CNOT6L: variants seen among roughly 807,000 people sequenced by gnomAD.
CNOT6L encodes the protein CCR4-NOT transcription complex subunit 6-like.
In CNOT6L, 7 loss-of-function variants were observed where a neutral mutation model predicts 64.0. The observed-to-expected ratio is 0.11, with a 90% CI of 0.06 to 0.21. The LOEUF (loss-of-function observed/expected upper bound fraction) is 0.21. Ranked by LOEUF, CNOT6L falls within the 10% of genes least tolerant of loss-of-function variation. CNOT6L has a pLI of 1.00. For missense variants in CNOT6L, 245 were observed against 669.0 expected (o/e 0.37, Z 6.99); for synonymous variants, 193 against 243.4 (o/e 0.79, Z 1.93).
At chr4:77,729,748 GT>G (rs944401357) in intron 9 of CNOT6L, among the ~76,000 whole-genome samples, 11 of 147,984 alleles carry the variant, frequency 7.4e-5, no homozygotes, top group East Asian at 3.9e-4. Context: ...TATCTCTAAG[GT>G]TTTTTTTTTA....
chr4:77,806,440 A>T (rs1391381226), intron 1 of CNOT6L, among the ~76,000 whole-genome samples: 3 of 152,010 alleles, frequency 2.0e-5, no homozygotes, highest in Non-Finnish European at 4.4e-5. Flanking sequence ...AAAAAAAAAG[A>T]TTAATTTCAA....
At chr4:77,810,537 T>C (rs1344365671) in intron 1 of CNOT6L, among the ~76,000 whole-genome samples, 1 of 152,162 alleles carries the variant, frequency 6.6e-6, no homozygotes, top group Non-Finnish European at 1.5e-5. Context: ...CATAATTGTA[T>C]ATATATATGG....
intron 1 of CNOT6L, among the ~76,000 whole-genome samples, chr4:77,813,348 C>T (rs560419978): frequency 6.6e-6 from 1 of 151,860 alleles, no homozygotes; most frequent in Non-Finnish European, 1.5e-5. Flanking sequence ...GATAGATTAG[C>T]TAGATTAGAA....
intron 1 of CNOT6L, among the ~76,000 whole-genome samples, chr4:77,804,001 C>T (rs193252668): frequency 6.6e-6 from 1 of 151,966 alleles, no homozygotes; most frequent in Admixed American, 6.6e-5. Flanking sequence ...CACAGAAATA[C>T]GTATGACCCA....
chr4:77,785,720 A>G (rs1250299341), intron 1 of CNOT6L, among the ~76,000 whole-genome samples: 1 of 152,212 alleles, frequency 6.6e-6, no homozygotes, highest in Non-Finnish European at 1.5e-5. Flanking sequence ...CATTAGAAGG[A>G]TTAAATTTAA....
intron 1 of CNOT6L, among the ~76,000 whole-genome samples, chr4:77,784,382 G>A (rs1351528940): frequency 6.6e-6 from 1 of 152,052 alleles, no homozygotes; most frequent in African/African-American, 2.4e-5. Context: ...GACAACTTAA[G>A]CTTATGATTT....
At chr4:77,811,538 C>G (rs947561639) in intron 1 of CNOT6L, among the ~76,000 whole-genome samples, 1 of 152,080 alleles carries the variant, frequency 6.6e-6, no homozygotes, top group Non-Finnish European at 1.5e-5. Context: ...TAGAGCAAGA[C>G]TCCGTCTCAA....
intron 1 of CNOT6L, among the ~76,000 whole-genome samples, chr4:77,781,350 T>C (rs939636355): frequency 6.6e-6 from 1 of 152,130 alleles, no homozygotes; most frequent in African/African-American, 2.4e-5. Flanking sequence ...AGTAAAATTT[T>C]AAAAAACATT....
At position 77,717,215 on chromosome 4, in the gene CNOT6L, T is replaced by A. The variant is rs1577909414; in HGVS notation, c.*3216A>T. 1 of 152,532 alleles carries A rather than the reference T, an allele frequency of 6.6e-6. No homozygotes were observed. Among genetic ancestry groups the A allele is most frequent in the South Asian group, 2.1e-4 (1 of 4,826 alleles). The allele number at this position is 152,532 out of a possible 1,614,324, so 9.4% of individuals were successfully genotyped here. A position where few individuals can be genotyped will look rare whatever the true frequency, so the allele number is the denominator to read the frequency against. On this transcript the variant is annotated 3_prime_UTR_variant, in exon 12 of 12. Transcript: ENST00000504123. ...AAATCAACGAGCAAGGAGCAGTAGG[T>A]GGATCTGAGCCTTTCCCAGATGTCA...
At chr4:77,775,066 C>A (rs559686629) in intron 2 of CNOT6L, among the ~76,000 whole-genome samples, 1 of 152,236 alleles carries the variant, frequency 6.6e-6, no homozygotes, top group East Asian at 1.9e-4. Flanking sequence ...TTGGTTGCCA[C>A]AACTGAAGGG....
At chr4:77,771,598 T>TA (rs1275743646) in intron 4 of CNOT6L, among the ~76,000 whole-genome samples, 6 of 152,318 alleles carry the variant, frequency 3.9e-5, no homozygotes, top group Middle Eastern at 6.8e-3. Context: ...ATATGTGATT[T>TA]AAAAAATCAA....
intron 1 of CNOT6L, among the ~76,000 whole-genome samples, chr4:77,780,307 G>A (rs1728711060): frequency 6.6e-6 from 1 of 152,116 alleles, no homozygotes; most frequent in Non-Finnish European, 1.5e-5. Flanking sequence ...TCAAACTAAT[G>A]AAGAGGCAGG....
intron 3 of CNOT6L, among the ~76,000 whole-genome samples, chr4:77,773,544 TAGAAA>T (rs1035358883): frequency 3.9e-5 from 6 of 152,130 alleles, no homozygotes; most frequent in Admixed American, 2.0e-4. Flanking sequence ...GTCTAATTAA[TAGAAA>T]AAAGTACAAA....
At chr4:77,768,306 A>T (rs1399890310) in intron 4 of CNOT6L, among the ~76,000 whole-genome samples, 1 of 151,770 alleles carries the variant, frequency 6.6e-6, no homozygotes, top group Non-Finnish European at 1.5e-5. Context: ...CTCTATTAAA[A>T]ATACAAAAAT....
Position 77,774,664 on chromosome 4 carries a change from C to A in CNOT6L, c.180G>T (p.Ala60=). 1 of 1,612,902 alleles carries A rather than the reference C, an allele frequency of 6.2e-7. No individual in the cohort carries two copies. Among genetic ancestry groups the A allele is most frequent in the African/African-American group, 1.3e-5 (1 of 74,930 alleles). ...TAAGGTAATTGTCATTTAGGTGCAGCGCTGTCAAGTGTGTCAATGACCAAA... is the reference window on the plus strand; with the variant it reads ...TAAGGTAATTGTCATTTAGGTGCAGAGCTGTCAAGTGTGTCAATGACCAAA... ...TSLWSLTHLT[A]LHLNDNYLSR... The change falls in exon 3 of 12, where the codon GCG becomes GCT. Residue 60 remains alanine, a synonymous_variant. Transcript: ENST00000504123.
In CNOT6L at chr4:77,715,011, GAC is replaced by G. The variant is rs2109826348; in HGVS notation, c.*5418_*5419del. 6.6e-6 allele frequency: 1 copy of G among 152,432 alleles called. No homozygotes were observed. The highest frequency in any genetic ancestry group is 2.4e-5 in the African/African-American group (1 of 41,556). 9.4% of individuals were successfully genotyped at this position (152,432 alleles called of 1,614,324 possible). On this transcript the variant is annotated 3_prime_UTR_variant, in exon 12 of 12. Transcript: ENST00000504123. ...ACATATAACAATTGATAGCTTGAAA[GAC>G]AATACATCAGTGATTTGAAGTTAAT...
chr4:77,799,704 CA>C lies in CNOT6L; in HGVS notation c.5+19599del, dbSNP rs71214370. The stretch of plus-strand genomic sequence containing the variant: ...AGGTGAGGGGAGTGAAACTCCATCT[CA>C]AAAAAAAAAAAAAAAAAAGGAACAT... On this transcript the variant is annotated intron_variant, in intron 1 of 11. Coordinates refer to ENST00000504123, the MANE Select transcript of CNOT6L (RefSeq NM_144571.3). Among the ~76,000 whole-genome samples the C allele has an allele frequency of 7.3e-3, 666 of 90,894 alleles. 1 individual carries two copies. The highest frequency in any genetic ancestry group is 0.025 in the African/African-American group (565 of 22,934). The allele number at this position is 90,894 out of a possible 152,430, so 59.6% of individuals were successfully genotyped here.
At chr4:77,734,499 G>T (rs1210943229) in intron 8 of CNOT6L, among the ~76,000 whole-genome samples, 10 of 152,080 alleles carry the variant, frequency 6.6e-5, no homozygotes, top group Admixed American at 6.6e-4. Flanking sequence ...ACCTGTGTTG[G>T]ACATTTAAGT....
intron 5 of CNOT6L, among the ~76,000 whole-genome samples, chr4:77,752,076 A>T (rs1724923536): frequency 6.6e-6 from 1 of 152,184 alleles, no homozygotes; most frequent in Non-Finnish European, 1.5e-5. Context: ...TGGGAGGCTA[A>T]GATAGGAGGA....
Sources: allele counts gnomAD v4.1 joint callset (sites outside exome capture counted in the v4.1 genomes callset), GRCh38; gene constraint gnomAD v4.1.1; transcripts MANE v1.5; gene names NCBI Gene and HGNC (gene_info 2026-07-23, HGNC 2026-07-21).